Variants in AGMO observed in about 807,000 individuals in gnomAD.
AGMO encodes glyceryl-ether monooxygenase.
Under a neutral mutation model 60.2 loss-of-function variants are expected in AGMO, and 75 were observed. The observed-to-expected ratio is 1.25, with a 90% confidence interval of 1.03 to 1.51. The LOEUF is 1.51. AGMO is among the 40% of genes most tolerant of loss of function. The pLI, the probability that AGMO is intolerant of heterozygous loss-of-function variation, is 0.00. For synonymous variants in AGMO, 261 were observed against 177.1 expected (o/e 1.47, Z -3.76); for missense variants, 763 against 525.5 (o/e 1.45, Z -4.42).
chr7:15,192,163 G>A, the AGMO span, among the ~76,000 whole-genome samples: 1 of 151,762 alleles, frequency 6.6e-6, no homozygotes, highest in African/African-American at 2.4e-5. Flanking sequence ...CCGACCAAAG[G>A]CCCCACCTTC....
At chr7:15,533,898 G>A (rs553115804) in intron 3 of AGMO, among the ~76,000 whole-genome samples, 1 of 152,090 alleles carries the variant, frequency 6.6e-6, no homozygotes, top group South Asian at 2.1e-4. Flanking sequence ...TTAAAAATTT[G>A]TTTTAAAAGA....
the AGMO span, among the ~76,000 whole-genome samples, chr7:15,145,046 G>T: frequency 2.0e-5 from 3 of 152,044 alleles, no homozygotes; most frequent in African/African-American, 7.2e-5. Context: ...GCCAGGATGG[G>T]CTCGATTTCC....
At chr7:15,507,773 GA>G (rs2128528599) in intron 3 of AGMO, among the ~76,000 whole-genome samples, 1 of 152,030 alleles carries the variant, frequency 6.6e-6, no homozygotes, top group East Asian at 1.9e-4. Context: ...GTTAAAAAAA[GA>G]ATTTTTAAAA....
At chr7:15,190,263 T>G in the AGMO span, among the ~76,000 whole-genome samples, 1 of 145,486 alleles carries the variant, frequency 6.9e-6, no homozygotes, top group South Asian at 2.2e-4. Context: ...AGCAAACAGC[T>G]GTTTGCTTTT....
At chr7:15,335,180 A>C (rs980296964) in intron 12 of AGMO, among the ~76,000 whole-genome samples, 5 of 152,304 alleles carry the variant, frequency 3.3e-5, no homozygotes, top group Admixed American at 2.6e-4. Flanking sequence ...TGATGATGGC[A>C]TGAGTTTTCA....
chr7:15,288,164 C>A (rs1416164779), intron 12 of AGMO, among the ~76,000 whole-genome samples: 1 of 152,050 alleles, frequency 6.6e-6, no homozygotes, highest in Non-Finnish European at 1.5e-5. Context: ...GCTAGGACCA[C>A]AGGCGCCCAG....
chr7:15,150,280 T>C, the AGMO span, among the ~76,000 whole-genome samples: 4 of 152,148 alleles, frequency 2.6e-5, no homozygotes, highest in African/African-American at 9.6e-5. Context: ...CTCTTCCTAT[T>C]TGGATGTCTT....
chr7:15,482,620 G>A (rs1782789733), intron 3 of AGMO, among the ~76,000 whole-genome samples: 1 of 152,068 alleles, frequency 6.6e-6, no homozygotes, highest in Non-Finnish European at 1.5e-5. Context: ...AGAAAAAGTA[G>A]GGACACTTGT....
intron 3 of AGMO, among the ~76,000 whole-genome samples, chr7:15,436,749 T>A (rs566615673): frequency 6.6e-6 from 1 of 152,168 alleles, no homozygotes; most frequent in African/African-American, 2.4e-5. Context: ...CTTTCCTCTT[T>A]TGGATTTTGT....
chr7:15,470,268 T>A (rs945415915), intron 3 of AGMO, among the ~76,000 whole-genome samples: 3 of 152,162 alleles, frequency 2.0e-5, no homozygotes, highest in Middle Eastern at 3.4e-3. Flanking sequence ...GAGTTTCTGG[T>A]ACACTGCTGG....
chr7:15,316,605 AAT>A (rs991117488), intron 12 of AGMO, among the ~76,000 whole-genome samples: 1 of 83,540 alleles, frequency 1.2e-5, no homozygotes, highest in Non-Finnish European at 2.4e-5. Context: ...TTTCCCAACA[AAT>A]ATACACACAC....
rs191875396 is a variant in AGMO at position 15,432,438 on chromosome 7, G to C, written c.410-1330C>G. 3.2e-3 allele frequency among the ~76,000 whole-genome samples: 477 copies of C among 149,252 alleles called. 3 individuals carry two copies. The highest frequency in any genetic ancestry group is 3.1e-3 in the Non-Finnish European group (211 of 67,236). ...AAAATGAAAGTTCTCTGAACAGTCT[G>C]TATAGAGAATTACCAAACAAAATTG... On this transcript the variant is annotated intron_variant, in intron 3 of 12. Coordinates refer to ENST00000342526, the MANE Select transcript of AGMO (RefSeq NM_001004320.2).
intron 12 of AGMO, among the ~76,000 whole-genome samples, chr7:15,241,459 CAAA>C (rs61727790): frequency 1.2e-4 from 6 of 51,354 alleles, no homozygotes; most frequent in Admixed American, 7.6e-4. Flanking sequence ...GACTCCGTCT[CAAA>C]AAAAAAAAAA....
chr7:15,195,107 C>T, the AGMO span, among the ~76,000 whole-genome samples: 1 of 152,140 alleles, frequency 6.6e-6, no homozygotes, highest in South Asian at 2.1e-4. Context: ...ATACCTCACA[C>T]TACTACAAGA....
At chr7:15,504,871 A>G (rs1562540839) in intron 3 of AGMO, among the ~76,000 whole-genome samples, 1 of 151,910 alleles carries the variant, frequency 6.6e-6, no homozygotes, top group Non-Finnish European at 1.5e-5. Context: ...TCATTTCTCA[A>G]TATTCCCTCA....
At chr7:15,352,814 T>A (rs1037956919) in intron 12 of AGMO, among the ~76,000 whole-genome samples, 1 of 152,030 alleles carries the variant, frequency 6.6e-6, no homozygotes, top group Non-Finnish European at 1.5e-5. Context: ...GATCTTCACC[T>A]GTTTTCGCTA....
intron 3 of AGMO, among the ~76,000 whole-genome samples, chr7:15,491,767 G>A (rs1320186023): frequency 6.6e-6 from 1 of 152,166 alleles, no homozygotes; most frequent in Non-Finnish European, 1.5e-5. Context: ...AATTAAGACA[G>A]AGATGAAAGA....
chr7:15,158,535 T>C, the AGMO span, among the ~76,000 whole-genome samples: 2 of 152,240 alleles, frequency 1.3e-5, no homozygotes. Flanking sequence ...GTTTTGTTTT[T>C]TCCCATGCAT....
chr7:15,544,865 GC>G lies in AGMO; in HGVS notation c.315del (p.Arg105SerfsTer18), dbSNP rs754648917. On this transcript the variant is annotated frameshift_variant, in exon 3 of 13. Transcript: ENST00000342526. LOFTEE classifies it high-confidence loss of function. ...TSYIYIWENY[R>X]LFNLPWDSPW... is the part of the protein sequence containing the mutation. ...GGAGAATCCCAAGGCAAATTGAACA[GC>G]CTGTAGTTCTCCCAGATATAAATAT... is the stretch of plus-strand genomic sequence containing the variant. 1.2e-6 allele frequency: 2 copies of G among 1,603,676 alleles called. No homozygotes were observed. The highest frequency in any genetic ancestry group is 1.1e-5 in the South Asian group (1 of 89,696).
Sources: gnomAD v4.1 joint callset for allele counts (sites outside exome capture counted in the v4.1 genomes callset) on GRCh38, gnomAD v4.1.1 for gene constraint, MANE v1.5 for transcripts, NCBI Gene and HGNC (gene_info 2026-07-23, HGNC 2026-07-21) for gene names.